The following ESRRG variants were observed in gnomAD, a reference collection of about 807,000 sequenced individuals.
ESRRG encodes the protein estrogen related receptor gamma, also known as estrogen-related receptor gamma.
Under a neutral mutation model 44.0 loss-of-function variants are expected in ESRRG, and 13 were observed. The ratio of observed to expected loss-of-function variants is 0.30; its 90% CI spans 0.19 to 0.47. The LOEUF (loss-of-function observed/expected upper bound fraction) is 0.47, where lower values mean the gene tolerates loss of function less well. ESRRG is among the 20% of genes least tolerant of loss of function. The pLI is 1.00. For missense variants in ESRRG, 395 were observed against 580.6 expected (o/e 0.68, Z 3.29); for synonymous variants, 215 against 214.6 (o/e 1.00, Z -0.02).
intron 2 of ESRRG, among the ~76,000 whole-genome samples, chr1:216,924,751 C>G (rs1157127): frequency 0.77 from 117,047 of 152,138 alleles, 45,359 homozygotes; most frequent in East Asian, 0.97. Flanking sequence ...GCTCCAGCCA[C>G]GGTGTATTTA....
intron 1 of ESRRG, among the ~76,000 whole-genome samples, chr1:216,973,258 G>A (rs2072090944): frequency 6.6e-6 from 1 of 152,012 alleles, no homozygotes; most frequent in Non-Finnish European, 1.5e-5. Context: ...CCGGCCTAAT[G>A]AGCCTACACA....
chr1:216,835,263 A>G lies in ESRRG; in HGVS notation c.-14+104319T>C, dbSNP rs536884821. 9.8e-5 allele frequency among the ~76,000 whole-genome samples: 15 copies of G among 152,324 alleles called. No homozygotes were observed. In the East Asian group the frequency reaches 2.9e-3, roughly 29 times the overall value. On this transcript the variant is annotated intron_variant, in intron 2 of 7. Transcript: ENST00000359162. Reference sequence around the variant, plus strand: ...GATTCACAAATCGGGCAGCCCCCAGAATCATAGCAGATTCAGAGACACTCC... The same window carrying G: ...GATTCACAAATCGGGCAGCCCCCAGGATCATAGCAGATTCAGAGACACTCC...
intron 1 of ESRRG, among the ~76,000 whole-genome samples, chr1:216,716,803 T>C (rs1446660161): frequency 6.6e-6 from 1 of 151,978 alleles, no homozygotes; most frequent in Admixed American, 6.6e-5. Context: ...TTTCCTTTTC[T>C]ATATTGTTTG....
chr1:216,871,813 GT>G (rs2096263640), intron 2 of ESRRG, among the ~76,000 whole-genome samples: 1 of 151,982 alleles, frequency 6.6e-6, no homozygotes, highest in East Asian at 1.9e-4. Flanking sequence ...AATGTTAAAT[GT>G]TTTGCTTTAA....
At chr1:216,721,424 G>C (rs1310623510) in intron 1 of ESRRG, among the ~76,000 whole-genome samples, 1 of 152,190 alleles carries the variant, frequency 6.6e-6, no homozygotes, top group Non-Finnish European at 1.5e-5. Flanking sequence ...AGATCTTTCT[G>C]TCTGTCCAGT....
chr1:216,647,344 G>A (rs2067846903), intron 3 of ESRRG, among the ~76,000 whole-genome samples: 1 of 152,106 alleles, frequency 6.6e-6, no homozygotes, highest in African/African-American at 2.4e-5. Context: ...AGACAAAGAG[G>A]ATTTTTTCAG....
intron 2 of ESRRG, among the ~76,000 whole-genome samples, chr1:216,764,183 T>TC (rs962232960): frequency 9.9e-5 from 15 of 151,540 alleles, no homozygotes; most frequent in African/African-American, 3.6e-4. Flanking sequence ...TGATTCTTTT[T>TC]TTTTCTTTCT....
In ESRRG at chr1:216,825,413, G is replaced by A. The variant is rs12121846; in HGVS notation, c.-14+114169C>T. Among the ~76,000 whole-genome samples, 189 of 152,238 alleles carry A rather than the reference G, an allele frequency of 1.2e-3. 1 individual carries two copies. The highest frequency in any genetic ancestry group is 1.4e-3 in the Admixed American group (22 of 15,292). ...GCAAATTGGGTTGTTGTAAGTGTCC[G>A]CTGGGATAAAGCAGGCAAAGATAAG... On this transcript the variant is annotated intron_variant, in intron 2 of 7. Transcript: ENST00000359162.
At chr1:216,956,544 C>T (rs1167228027) in intron 1 of ESRRG, among the ~76,000 whole-genome samples, 2 of 152,124 alleles carry the variant, frequency 1.3e-5, no homozygotes, top group Non-Finnish European at 2.9e-5. Context: ...TAGTGTGATG[C>T]CTCCAGCTTT....
At chr1:216,996,967 A>G (rs1179968809) in intron 1 of ESRRG, among the ~76,000 whole-genome samples, 1 of 152,224 alleles carries the variant, frequency 6.6e-6, no homozygotes, top group Non-Finnish European at 1.5e-5. Flanking sequence ...CAAAATCAAA[A>G]GTAATAGTAT....
intron 1 of ESRRG, among the ~76,000 whole-genome samples, chr1:216,994,095 C>T (rs2076063291): frequency 6.6e-6 from 1 of 152,172 alleles, no homozygotes; most frequent in Non-Finnish European, 1.5e-5. Context: ...GTAAGCATAT[C>T]TCTGAGCTTG....
chr1:216,887,474 T>A (rs1196313081), intron 2 of ESRRG, among the ~76,000 whole-genome samples: 1 of 152,224 alleles, frequency 6.6e-6, no homozygotes, highest in Admixed American at 6.5e-5. Flanking sequence ...TTACTCTTGG[T>A]TGTTAAACAT....
intron 1 of ESRRG, among the ~76,000 whole-genome samples, chr1:217,102,579 T>C (rs550708992): frequency 4.9e-4 from 74 of 152,306 alleles, no homozygotes; most frequent in Non-Finnish European, 8.7e-4. Flanking sequence ...CTGCACACTT[T>C]TAAAAAGTTA....
At chr1:216,518,464 C>T (rs994023022) in intron 6 of ESRRG, among the ~76,000 whole-genome samples, 1 of 152,002 alleles carries the variant, frequency 6.6e-6, no homozygotes, top group African/African-American at 2.4e-5. Flanking sequence ...ATGATCGGCA[C>T]GTCATTAAGG....
rs1249272043 is a variant in ESRRG, at chr1:216,568,200, G to C, written c.590-102C>G. 3.7e-6 allele frequency: 3 copies of C among 814,870 alleles called. No homozygotes were observed. The African/African-American group carries it at 5.0e-5, about 14-fold the overall frequency. The allele number at this position is 814,870 out of a possible 1,614,324, so 50.5% of individuals were successfully genotyped here. ...CCCAAGAGCACATAGGTGACAAACA[G>C]TAGAATGCAGAATGGACCAGGGGTA... On this transcript the variant is annotated intron_variant, in intron 3 of 6. Coordinates refer to ENST00000408911, the MANE Select transcript of ESRRG (RefSeq NM_001438.4).
chr1:216,585,613 G>C (rs2063611674), intron 3 of ESRRG, among the ~76,000 whole-genome samples: 1 of 152,100 alleles, frequency 6.6e-6, no homozygotes, highest in Admixed American at 6.6e-5. Flanking sequence ...ACAGATGTTT[G>C]TGGACAGTTG....
chr1:216,538,249 T>A (rs11800818), intron 5 of ESRRG, among the ~76,000 whole-genome samples: 2 of 108,036 alleles, frequency 1.9e-5, no homozygotes, highest in Non-Finnish European at 3.6e-5. Flanking sequence ...TTTTAAAAAA[T>A]TAAAAATTTT....
At chr1:216,741,519 C>T (rs2090735061) in intron 2 of ESRRG, among the ~76,000 whole-genome samples, 2 of 151,320 alleles carry the variant, frequency 1.3e-5, no homozygotes, top group South Asian at 2.1e-4. Context: ...AGATCACCTC[C>T]TCTCGGGAGG....
chr1:217,055,583 G>A (rs146585224), intron 1 of ESRRG, among the ~76,000 whole-genome samples: 1 of 152,114 alleles, frequency 6.6e-6, no homozygotes, highest in Admixed American at 6.6e-5. Context: ...TCAACCCCCT[G>A]TACAGCCATG....
Sources: allele counts gnomAD v4.1 joint callset (sites outside exome capture counted in the v4.1 genomes callset), GRCh38; gene constraint gnomAD v4.1.1; transcripts MANE v1.5; gene names NCBI Gene and HGNC (gene_info 2026-07-23, HGNC 2026-07-21).